Variants in PLA2G6 observed in about 807,000 individuals in gnomAD.
PLA2G6 encodes the protein 85/88 kDa calcium-independent phospholipase A2.
PLA2G6 carries 62 observed loss-of-function variants against 83.8 expected under a neutral mutation model. The observed-to-expected ratio is 0.74, with a 90% CI of 0.60 to 0.91. The LOEUF (loss-of-function observed/expected upper bound fraction) is 0.91. PLA2G6 is among the 40% of genes least tolerant of loss of function. The probability of loss-of-function intolerance (pLI) is 0.00; values close to 1 mark genes in which losing one functional copy is unlikely to be tolerated. For missense variants in PLA2G6, 944 were observed against 1,102.0 expected (o/e 0.86, Z 2.03); for synonymous variants, 417 against 449.8 (o/e 0.93, Z 0.92).
In PLA2G6 at chr22:38,113,828, AC is replaced by A. The variant is rs748077118; in HGVS notation, c.2035-175del. 6.9e-5 allele frequency: 49 copies of A among 709,476 alleles called. No individual in the cohort carries two copies. In the Admixed American group the frequency reaches 9.4e-4, roughly 14 times the overall value. The allele number at this position is 709,476 out of a possible 1,614,324, so 43.9% of individuals were successfully genotyped here. On this transcript the variant is annotated intron_variant, in intron 14 of 16. Coordinates refer to ENST00000332509, the MANE Select transcript of PLA2G6 (RefSeq NM_003560.4). ...ATTTCCAGCCAGCCTCTTGCACGTGACCCCAGAACGGCTGGTGCGGGCATCA... is the reference window on the plus strand; with the variant it reads ...ATTTCCAGCCAGCCTCTTGCACGTGACCCAGAACGGCTGGTGCGGGCATCA...
chr22:38,158,996 C>T (rs1039494779), intron 2 of PLA2G6, among the ~76,000 whole-genome samples: 17 of 151,804 alleles, frequency 1.1e-4, no homozygotes, highest in African/African-American at 3.6e-4. Flanking sequence ...GTCAGGAGTT[C>T]GAGACCAGCC....
rs1324577013 is a variant in PLA2G6, at chr22:38,128,391, AC to A, written c.1225del (p.Val409TrpfsTer38). 1 of 1,614,038 alleles carries A rather than the reference AC, an allele frequency of 6.2e-7. No individual in the cohort carries two copies. Among genetic ancestry groups the A allele is most frequent in the East Asian group, 2.2e-5 (1 of 44,870 alleles). On this transcript the variant is annotated frameshift_variant, in exon 9 of 17. Coordinates refer to ENST00000332509, the MANE Select transcript of PLA2G6 (RefSeq NM_003560.4). LOFTEE classifies it high-confidence loss of function. The surrounding 1 kb of genome is among the most constrained non-coding windows in gnomAD (Gnocchi z 4.4). The stretch of plus-strand genomic sequence containing the variant: ...GGGTGGGAAGCAGTATTCGGCCCCC[AC>A]GGTTCTCAGCAGAGTCAAGATCGCC... The part of the protein sequence containing the change: ...RKAILTLLRT[V>X]GAEYCFPPIH...
intron 1 of PLA2G6, among the ~76,000 whole-genome samples, chr22:38,171,090 T>C (rs1045427073): frequency 4.7e-5 from 7 of 150,500 alleles, no homozygotes; most frequent in South Asian, 2.1e-4. Context: ...AAGAATCGCT[T>C]GAACCTGGGA....
chr22:38,158,425 C>T (rs977000534), intron 2 of PLA2G6, among the ~76,000 whole-genome samples: 2 of 152,210 alleles, frequency 1.3e-5, no homozygotes, highest in Non-Finnish European at 2.9e-5. Flanking sequence ...CCCGCCTTGG[C>T]CTCCCACAGT....
At position 38,126,358 on chromosome 22, in the gene PLA2G6, T is replaced by C; in HGVS notation, c.1427+13A>G. The stretch of plus-strand genomic sequence containing the variant: ...CACGTTCCCCGCTCTGCCCCCGATC[T>C]CGATCCACTTACGTCCGCTTCTCGT... On this transcript the variant is annotated intron_variant, in intron 10 of 16. Coordinates refer to ENST00000332509, the MANE Select transcript of PLA2G6 (RefSeq NM_003560.4). 1 of 1,607,532 alleles carries C rather than the reference T, an allele frequency of 6.2e-7. No homozygotes were observed. Among genetic ancestry groups the C allele is most frequent in the South Asian group, 1.1e-5 (1 of 90,956 alleles).
At chr22:38,156,441 A>C (rs1200904688) in intron 2 of PLA2G6, among the ~76,000 whole-genome samples, 1 of 144,900 alleles carries the variant, frequency 6.9e-6, no homozygotes, top group Non-Finnish European at 1.5e-5. Flanking sequence ...AACAAGTCTT[A>C]AATTATTATT....
At chr22:38,170,479 A>C (rs1197112078) in intron 1 of PLA2G6, among the ~76,000 whole-genome samples, 1 of 152,094 alleles carries the variant, frequency 6.6e-6, no homozygotes, top group Non-Finnish European at 1.5e-5. Flanking sequence ...TTCGAGACTC[A>C]GGAGCAGCAG....
intron 12 of PLA2G6, among the ~76,000 whole-genome samples, chr22:38,119,456 A>G (rs1019071235): frequency 7.2e-5 from 11 of 152,354 alleles, no homozygotes; most frequent in Admixed American, 7.2e-4. Flanking sequence ...TCAATGTAAA[A>G]GGCAGATCTA....
intron 6 of PLA2G6, chr22:38,134,736 C>T: frequency 1.9e-6 from 1 of 537,674 alleles, no homozygotes. Flanking sequence ...TTGCTGACTT[C>T]ATCACATCGC....
At chr22:38,171,823 G>GAA (rs133004) in intron 1 of PLA2G6, among the ~76,000 whole-genome samples, 5 of 122,456 alleles carry the variant, frequency 4.1e-5, no homozygotes, top group Admixed American at 1.7e-4. Flanking sequence ...CTCCGTCTCA[G>GAA]AAAAAAAAAA....
At chr22:38,157,833 G>A (rs1194264033) in intron 2 of PLA2G6, among the ~76,000 whole-genome samples, 7 of 152,006 alleles carry the variant, frequency 4.6e-5, no homozygotes, top group South Asian at 2.1e-4. Context: ...GTCAGGTGTC[G>A]AGACCAGCCT....
chr22:38,144,946 C>T (rs1288856659), intron 3 of PLA2G6: 2 of 346,838 alleles, frequency 5.8e-6, no homozygotes, highest in East Asian at 1.0e-4. Flanking sequence ...AATCAGCTCC[C>T]ACAGACCTGG....
At chr22:38,152,750 G>A (rs750573744) in intron 2 of PLA2G6, among the ~76,000 whole-genome samples, 2 of 152,186 alleles carry the variant, frequency 1.3e-5, no homozygotes, top group South Asian at 2.1e-4. Context: ...AAATATGAGA[G>A]AGACTCTTGG....
chr22:38,152,004 T>C (rs959960138), intron 2 of PLA2G6, among the ~76,000 whole-genome samples: 82 of 152,290 alleles, frequency 5.4e-4, no homozygotes, highest in African/African-American at 1.9e-3. Context: ...CCTTTGAAGG[T>C]AGCCTGGAAC....
At chr22:38,173,282 G>A (rs772652691) in intron 1 of PLA2G6, among the ~76,000 whole-genome samples, 53 of 152,076 alleles carry the variant, frequency 3.5e-4, no homozygotes, top group Non-Finnish European at 6.8e-4. Context: ...CTTCCCGTGG[G>A]GTAGACAATC....
Position 38,181,759 on chromosome 22 carries a change from C to G in PLA2G6, c.-141G>C, listed in dbSNP as rs1298967924. 6.6e-6 allele frequency: 1 copy of G among 152,236 alleles called. No homozygotes were observed. Among genetic ancestry groups the G allele is most frequent in the Non-Finnish European group, 1.5e-5 (1 of 68,062 alleles). The allele number at this position is 152,236 out of a possible 1,614,324, so 9.4% of individuals were successfully genotyped here. ...GAAGTTGGGGAACGGACCCCCAGGC[C>G]CCGCCCACCCGCGAGGTCACTCACC... On this transcript the variant is annotated 5_prime_UTR_variant, in exon 1 of 17. Coordinates refer to ENST00000332509, the MANE Select transcript of PLA2G6 (RefSeq NM_003560.4).
At chr22:38,124,158 TAG>T (rs2087694410) in intron 10 of PLA2G6, among the ~76,000 whole-genome samples, 2 of 151,808 alleles carry the variant, frequency 1.3e-5, no homozygotes, top group Admixed American at 1.3e-4. Context: ...TATTTATTTA[TAG>T]AGACAGGGTC....
At chr22:38,157,825 C>CA (rs1271779462) in intron 2 of PLA2G6, among the ~76,000 whole-genome samples, 2 of 152,092 alleles carry the variant, frequency 1.3e-5, no homozygotes, top group Admixed American at 6.6e-5. Flanking sequence ...CACCTGAGGT[C>CA]AGGTGTCGAG....
chr22:38,165,051 C>T (rs1464630347), intron 2 of PLA2G6, among the ~76,000 whole-genome samples: 1 of 152,086 alleles, frequency 6.6e-6, no homozygotes, highest in East Asian at 1.9e-4. Context: ...GCTTCTGGGA[C>T]CCCTGATAAC....
Sources: gnomAD v4.1 joint callset for allele counts (sites outside exome capture counted in the v4.1 genomes callset) on GRCh38, gnomAD v4.1.1 for gene constraint, Gnocchi (gnomAD v3.1) non-coding constraint, MANE v1.5 for transcripts, NCBI Gene and HGNC (gene_info 2026-07-23, HGNC 2026-07-21) for gene names.